Variants in KCTD8 observed in about 807,000 individuals in gnomAD.
The protein encoded by KCTD8 is potassium channel tetramerization domain containing 8.
A neutral mutation model predicts 31.5 loss-of-function variants in KCTD8; 27 were observed. The ratio of observed to expected loss-of-function variants is 0.86; its 90% CI spans 0.63 to 1.18. The LOEUF (loss-of-function observed/expected upper bound fraction) is 1.18. Among genes scored for constraint, KCTD8 ranks in the 50% most tolerant of loss-of-function variants. The pLI is 0.00. For synonymous variants in KCTD8, 290 were observed against 280.0 expected (o/e 1.04, Z -0.36); for missense variants, 658 against 647.7 (o/e 1.02, Z -0.17).
intron 1 of KCTD8, among the ~76,000 whole-genome samples, chr4:44,289,219 A>C (rs1717195848): frequency 6.6e-6 from 1 of 151,238 alleles, no homozygotes; most frequent in Non-Finnish European, 1.5e-5. Context: ...ATATAATTGC[A>C]TAACATTACA....
chr4:44,326,056 G>A (rs1577617453), intron 1 of KCTD8, among the ~76,000 whole-genome samples: 1 of 151,942 alleles, frequency 6.6e-6, no homozygotes, highest in Non-Finnish European at 1.5e-5. Context: ...ACTCTAAAAT[G>A]TTGTGTGGAA....
chr4:44,215,983 A>G (rs1714641038), intron 1 of KCTD8, among the ~76,000 whole-genome samples: 1 of 152,172 alleles, frequency 6.6e-6, no homozygotes, highest in South Asian at 2.1e-4. Context: ...TATTCACTGA[A>G]ACCAAAAGGC....
chr4:44,241,624 T>A (rs924254905), intron 1 of KCTD8, among the ~76,000 whole-genome samples: 1 of 152,272 alleles, frequency 6.6e-6, no homozygotes, highest in Non-Finnish European at 1.5e-5. Flanking sequence ...TTATTTAATC[T>A]TTTTTATTTA....
chr4:44,420,932 G>C (rs1444460383), intron 1 of KCTD8, among the ~76,000 whole-genome samples: 3 of 151,840 alleles, frequency 2.0e-5, no homozygotes, highest in Middle Eastern at 3.4e-3. Context: ...ATCTCAACTA[G>C]GATGATTGTC....
At chr4:44,441,343 C>T (rs1721805077) in intron 1 of KCTD8, among the ~76,000 whole-genome samples, 3 of 152,040 alleles carry the variant, frequency 2.0e-5, no homozygotes, top group Admixed American at 6.6e-5. Context: ...GACTCAAATG[C>T]TTTATTTTCT....
intron 1 of KCTD8, among the ~76,000 whole-genome samples, chr4:44,276,145 T>A (rs1716743853): frequency 6.6e-6 from 1 of 151,934 alleles, no homozygotes; most frequent in Non-Finnish European, 1.5e-5. Flanking sequence ...TCTAAAACAG[T>A]AAGAAAACCA....
intron 1 of KCTD8, among the ~76,000 whole-genome samples, chr4:44,404,702 T>G (rs1720743208): frequency 6.6e-6 from 1 of 152,168 alleles, no homozygotes; most frequent in Non-Finnish European, 1.5e-5. Context: ...AAAAATTAGG[T>G]GTTTAATTTC....
chr4:44,351,292 C>T (rs578020494), intron 1 of KCTD8, among the ~76,000 whole-genome samples: 18 of 152,184 alleles, frequency 1.2e-4, no homozygotes, highest in African/African-American at 3.9e-4. Flanking sequence ...TAATAAATGA[C>T]GTTCTGGGGA....
intron 1 of KCTD8, among the ~76,000 whole-genome samples, chr4:44,303,791 G>C (rs562372420): frequency 6.6e-6 from 1 of 151,762 alleles, no homozygotes; most frequent in African/African-American, 2.4e-5. Flanking sequence ...CCAGCCTGGG[G>C]GACAGAGTGA....
chr4:44,438,043 A>C (rs1270083676), intron 1 of KCTD8, among the ~76,000 whole-genome samples: 2 of 152,128 alleles, frequency 1.3e-5, no homozygotes, highest in Non-Finnish European at 2.9e-5. Context: ...TCACTTTGGA[A>C]TCATATGTAT....
chr4:44,439,410 G>A (rs1217039757), intron 1 of KCTD8, among the ~76,000 whole-genome samples: 1 of 152,096 alleles, frequency 6.6e-6, no homozygotes, highest in Non-Finnish European at 1.5e-5. Context: ...AATATTCCAA[G>A]TTAACTTTTG....
intron 1 of KCTD8, among the ~76,000 whole-genome samples, chr4:44,178,879 CT>C (rs1013924205): frequency 7.9e-5 from 12 of 152,176 alleles, no homozygotes; most frequent in African/African-American, 2.9e-4. Flanking sequence ...AGGAAGCCCT[CT>C]TTGAAGAAGA....
intron 1 of KCTD8, among the ~76,000 whole-genome samples, chr4:44,342,975 C>T (rs767946649): frequency 6.6e-6 from 1 of 152,196 alleles, no homozygotes; most frequent in Non-Finnish European, 1.5e-5. Flanking sequence ...GGTTGATCTT[C>T]TACCCAGGCC....
In KCTD8 at chr4:44,280,285, T is replaced by G. The variant is rs531799629; in HGVS notation, c.962-105035A>C. Among the ~76,000 whole-genome samples the G allele has an allele frequency of 2.4e-3, 360 of 152,184 alleles. 2 individuals carry two copies. Among genetic ancestry groups the G allele is most frequent in the Middle Eastern group, 6.8e-3 (2 of 294 alleles). On this transcript the variant is annotated intron_variant, in intron 1 of 1. Transcript: ENST00000360029. ...AAAAATAAAAGCCCTAGAAGCTTTT[T>G]GAAACAGGTAGGAGCCACTGGACAA... is the stretch of plus-strand genomic sequence containing the variant.
intron 1 of KCTD8, among the ~76,000 whole-genome samples, chr4:44,250,640 C>T (rs1036160752): frequency 6.6e-6 from 1 of 151,688 alleles, no homozygotes; most frequent in Non-Finnish European, 1.5e-5. Context: ...CTTGGCTTTA[C>T]CCTGTGAGTA....
At chr4:44,401,011 C>CCT (rs1553905940) in intron 1 of KCTD8, among the ~76,000 whole-genome samples, 4,951 of 95,938 alleles carry the variant, frequency 0.052, 446 homozygotes, top group African/African-American at 0.19. Flanking sequence ...AATTTTCTTT[C>CCT]TTTTTTTTTT....
chr4:44,424,244 C>A (rs1721291530), intron 1 of KCTD8, among the ~76,000 whole-genome samples: 1 of 152,018 alleles, frequency 6.6e-6, no homozygotes, highest in Non-Finnish European at 1.5e-5. Context: ...TCACCACCAT[C>A]CCCCAACACT....
chr4:44,436,153 C>T (rs1017366888), intron 1 of KCTD8, among the ~76,000 whole-genome samples: 1 of 152,062 alleles, frequency 6.6e-6, no homozygotes, highest in Non-Finnish European at 1.5e-5. Context: ...ACAGAATCAC[C>T]TATAAATAGT....
intron 1 of KCTD8, among the ~76,000 whole-genome samples, chr4:44,255,905 C>CTATT (rs1226448407): frequency 3.3e-5 from 5 of 151,882 alleles, no homozygotes; most frequent in Non-Finnish European, 7.4e-5. Context: ...TAATATTTGA[C>CTATT]TATTGTATTA....
Sources: gnomAD v4.1 joint callset for allele counts (sites outside exome capture counted in the v4.1 genomes callset) on GRCh38, gnomAD v4.1.1 for gene constraint, MANE v1.5 for transcripts, NCBI Gene and HGNC (gene_info 2026-07-23, HGNC 2026-07-21) for gene names.